The following TMEM33 variants were observed in gnomAD, a reference collection of about 807,000 sequenced individuals.
The protein encoded by TMEM33 is transmembrane protein 33.
A neutral mutation model predicts 29.7 loss-of-function variants in TMEM33; 16 were observed. The ratio of observed to expected loss-of-function variants is 0.54; its 90% CI spans 0.36 to 0.82. TMEM33 has a LOEUF of 0.82. Among genes scored for constraint, TMEM33 ranks in the 40% least tolerant of loss-of-function variants. TMEM33 has a pLI of 0.00. For missense variants in TMEM33, 252 were observed against 295.3 expected (o/e 0.85, Z 1.08); for synonymous variants, 112 against 109.4 (o/e 1.02, Z -0.15).
rs1713388306 is a variant in TMEM33 at position 41,959,220 on chromosome 4, A to G, written c.*5021A>G. Reference sequence around the variant, plus strand: ...ATTGGATCTGCTGTTAAGGAGAACAAAGGAGCTTCTAAAGGTTTGGGAGGT... The same window carrying G: ...ATTGGATCTGCTGTTAAGGAGAACAGAGGAGCTTCTAAAGGTTTGGGAGGT... On this transcript the variant is annotated 3_prime_UTR_variant, in exon 7 of 7. Transcript: ENST00000504986. 1 of 152,220 alleles carries G rather than the reference A, an allele frequency of 6.6e-6. No individual in the cohort carries two copies. 9.4% of individuals were successfully genotyped at this position (152,220 alleles called of 1,614,324 possible). A position where few individuals can be genotyped will look rare whatever the true frequency, so the allele number is the denominator to read the frequency against.
intron 5 of TMEM33, among the ~76,000 whole-genome samples, chr4:41,948,865 G>A (rs184729812): frequency 4.6e-5 from 7 of 152,112 alleles, no homozygotes; most frequent in African/African-American, 4.8e-5. Flanking sequence ...ACAATAATTA[G>A]TATAGGCTGT....
intron 3 of TMEM33, among the ~76,000 whole-genome samples, chr4:41,941,505 A>C (rs1423745446): frequency 2.0e-5 from 3 of 152,230 alleles, no homozygotes; most frequent in Non-Finnish European, 4.4e-5. Context: ...CACACAGATC[A>C]GGCACTCAGT....
Position 41,956,596 on chromosome 4 carries a change from G to C in TMEM33, c.*2397G>C, listed in dbSNP as rs1449591578. On this transcript the variant is annotated 3_prime_UTR_variant, in exon 7 of 7. Transcript: ENST00000504986. Reference sequence around the variant, plus strand: ...AAAGTACTGTTGGTCAAGATAATTGGTCAATAATCCATGTTGGTTTTAACA... The same window carrying C: ...AAAGTACTGTTGGTCAAGATAATTGCTCAATAATCCATGTTGGTTTTAACA... 6.6e-6 allele frequency: 1 copy of C among 151,718 alleles called. No individual in the cohort carries two copies. Among genetic ancestry groups the C allele is most frequent in the East Asian group, 1.9e-4 (1 of 5,168 alleles). 9.4% of individuals were successfully genotyped at this position (151,718 alleles called of 1,614,324 possible).
At chr4:41,938,541 C>A in intron 1 of TMEM33, 61 bp from the exon 2 acceptor site, 2 of 1,477,566 alleles carry the variant, frequency 1.4e-6, no homozygotes, top group Non-Finnish European at 1.9e-6. Context: ...ACCACACAGT[C>A]TTGATGCTTA....
intron 6 of TMEM33, among the ~76,000 whole-genome samples, chr4:41,952,307 C>G (rs1263720680): frequency 6.6e-6 from 1 of 152,132 alleles, no homozygotes; most frequent in Admixed American, 6.5e-5. Flanking sequence ...ATATTAAATA[C>G]TTGTTTAGAA....
intron 3 of TMEM33, 149 bp from the exon 4 acceptor site, chr4:41,943,598 A>G: frequency 1.7e-6 from 1 of 585,308 alleles, no homozygotes; most frequent in South Asian, 2.5e-5. Context: ...ACAAAATTTG[A>G]TTTGGCTTAA....
Position 41,960,166 on chromosome 4 carries a change from G to A in TMEM33, c.*5967G>A, listed in dbSNP as rs1713415449. On this transcript the variant is annotated 3_prime_UTR_variant, in exon 7 of 7. Coordinates refer to ENST00000504986, the MANE Select transcript of TMEM33 (RefSeq NM_018126.3). ...ATAAACATAATAATCATAGCCTGCT[G>A]ACACTAAGGAAAAAGGACCTCATTC... is the stretch of plus-strand genomic sequence containing the variant. 6.6e-6 allele frequency: 1 copy of A among 152,116 alleles called. No individual in the cohort carries two copies. The highest frequency in any genetic ancestry group is 1.5e-5 in the Non-Finnish European group (1 of 67,980). The allele number at this position is 152,116 out of a possible 1,614,324, so 9.4% of individuals were successfully genotyped here.
At chr4:41,945,696 C>T (rs1712754355) in intron 5 of TMEM33, among the ~76,000 whole-genome samples, 5 of 152,084 alleles carry the variant, frequency 3.3e-5, no homozygotes, top group Admixed American at 3.3e-4. Context: ...TCTGGCTGGG[C>T]ACAGTGGCTC....
intron 4 of TMEM33, among the ~76,000 whole-genome samples, 183 bp from the exon 5 acceptor site, chr4:41,944,610 A>G (rs897372855): frequency 6.6e-6 from 1 of 152,200 alleles, no homozygotes; most frequent in Non-Finnish European, 1.5e-5. Context: ...AAGTCTAAAA[A>G]TGTAAAAAAG....
At chr4:41,952,566 C>T (rs1230339757) in intron 6 of TMEM33, among the ~76,000 whole-genome samples, 2 of 152,094 alleles carry the variant, frequency 1.3e-5, no homozygotes, top group African/African-American at 4.8e-5. Context: ...GCAGTGAGCA[C>T]AGTTAAGACA....
rs896679521 is a variant in TMEM33 at position 41,954,687 on chromosome 4, T to A, written c.*488T>A. On this transcript the variant is annotated 3_prime_UTR_variant, in exon 7 of 7. Transcript: ENST00000504986. ...TGTATTTAATTTCAAATTGTTTTTT[T>A]AATTGGTTTTATGCTGCTTTGTTAG... 2.6e-5 allele frequency: 4 copies of A among 153,110 alleles called. No homozygotes were observed. The highest frequency in any genetic ancestry group is 7.2e-5 in the African/African-American group (3 of 41,458). The allele number at this position is 153,110 out of a possible 1,614,324, so 9.5% of individuals were successfully genotyped here.
At chr4:41,949,098 A>G (rs1033939909) in intron 5 of TMEM33, among the ~76,000 whole-genome samples, 1 of 152,150 alleles carries the variant, frequency 6.6e-6, no homozygotes, top group Non-Finnish European at 1.5e-5. Flanking sequence ...TAAAAAAATT[A>G]AACAACATTT....
In TMEM33 at chr4:41,956,515, G is replaced by C. The variant is rs1713284262; in HGVS notation, c.*2316G>C. On this transcript the variant is annotated 3_prime_UTR_variant, in exon 7 of 7. Coordinates refer to ENST00000504986, the MANE Select transcript of TMEM33 (RefSeq NM_018126.3). ...TGATCCATGATTTTTTTAAAATCAT[G>C]ATTGTCTTTTAAAGATCTGTGTGTC... 6.6e-6 allele frequency: 1 copy of C among 151,440 alleles called. No homozygotes were observed. Among genetic ancestry groups the C allele is most frequent in the South Asian group, 2.1e-4 (1 of 4,808 alleles). The allele number at this position is 151,440 out of a possible 1,614,324, so 9.4% of individuals were successfully genotyped here.
chr4:41,948,344 C>T (rs1712884372), intron 5 of TMEM33, among the ~76,000 whole-genome samples: 1 of 151,926 alleles, frequency 6.6e-6, no homozygotes, highest in Non-Finnish European at 1.5e-5. Context: ...TGAATATTTT[C>T]TATTTATATT....
intron 3 of TMEM33, among the ~76,000 whole-genome samples, chr4:41,940,372 C>T (rs1382539037): frequency 6.6e-6 from 1 of 151,886 alleles, no homozygotes; most frequent in Non-Finnish European, 1.5e-5. Context: ...ATGTAAAGCA[C>T]AATAAAATAT....
At position 41,956,354 on chromosome 4, in the gene TMEM33, A is replaced by G. The variant is rs1713266662; in HGVS notation, c.*2155A>G. 6.6e-6 allele frequency: 1 copy of G among 152,164 alleles called. No individual in the cohort carries two copies. The highest frequency in any genetic ancestry group is 1.5e-5 in the Non-Finnish European group (1 of 68,034). The allele number at this position is 152,164 out of a possible 1,614,324, so 9.4% of individuals were successfully genotyped here. ...TCAGGTCCTCTCATGTTAACGTTTT[A>G]CATAACTGTAGAACATTTATCTAAA... On this transcript the variant is annotated 3_prime_UTR_variant, in exon 7 of 7. Transcript: ENST00000504986.
At chr4:41,949,744 A>C (rs778364255) in intron 6 of TMEM33, among the ~76,000 whole-genome samples, 72 of 152,186 alleles carry the variant, frequency 4.7e-4, no homozygotes, top group Admixed American at 1.8e-3. Flanking sequence ...CCAATAGATA[A>C]TGAATGCCAT....
chr4:41,935,562 T>G lies in TMEM33; in HGVS notation c.45+33T>G, dbSNP rs964495877. On this transcript the variant is annotated intron_variant, in intron 1 of 6. Transcript: ENST00000504986. ...CGAGGGCAGGGTAGTCTGGCTTGAT[T>G]TGCAAGAGTTAGGAAGAAGCAGGAA... 1.3e-5 allele frequency: 21 copies of G among 1,588,344 alleles called. No individual in the cohort carries two copies. The African/African-American group carries it at 2.7e-4, about 20-fold the overall frequency.
At chr4:41,949,480 T>TCAC (rs1357073374) in intron 6 of TMEM33, 95 bp downstream of exon 6, 3 of 991,292 alleles carry the variant, frequency 3.0e-6, no homozygotes, top group Non-Finnish European at 4.4e-6. Flanking sequence ...GCTAATGTGT[T>TCAC]AGACTTTAGA....
Sources: gnomAD v4.1 joint callset for allele counts (sites outside exome capture counted in the v4.1 genomes callset) on GRCh38, gnomAD v4.1.1 for gene constraint, MANE v1.5 for transcripts, NCBI Gene and HGNC (gene_info 2026-07-23, HGNC 2026-07-21) for gene names.